The following SGIP1 variants were observed in gnomAD, a reference collection of about 807,000 sequenced individuals.
SGIP1 encodes the protein SH3GL interacting endocytic adaptor 1, also known as SH3-containing GRB2-like protein 3-interacting protein 1.
Under a neutral mutation model 107.5 loss-of-function variants are expected in SGIP1, and 38 were observed. The observed-to-expected ratio is 0.35, with a 90% confidence interval of 0.27 to 0.46. The LOEUF (loss-of-function observed/expected upper bound fraction) is 0.46, where lower values mean the gene tolerates loss of function less well. Among genes scored for constraint, SGIP1 ranks in the 20% least tolerant of loss-of-function variants. The pLI is 1.00. For synonymous variants in SGIP1, 365 were observed against 366.1 expected, an observed-to-expected ratio of 1.00 and a Z score of 0.03; for missense variants, 929 against 1,019.5, an observed-to-expected ratio of 0.91 and a Z score of 1.21.
chr1:66,568,999 T>C (rs908195935), intron 1 of SGIP1, among the ~76,000 whole-genome samples: 1 of 151,906 alleles, frequency 6.6e-6, no homozygotes, highest in Admixed American at 6.6e-5. Context: ...TAAAAAGACC[T>C]CAGCAATATG....
At chr1:66,588,834 G>T (rs982569729) in intron 1 of SGIP1, among the ~76,000 whole-genome samples, 1 of 151,180 alleles carries the variant, frequency 6.6e-6, no homozygotes, top group Non-Finnish European at 1.5e-5. Context: ...TATCTTCTTG[G>T]AAGGAACCAA....
intron 1 of SGIP1, among the ~76,000 whole-genome samples, chr1:66,612,785 A>G (rs1315930585): frequency 6.6e-6 from 1 of 152,238 alleles, no homozygotes; most frequent in African/African-American, 2.4e-5. Context: ...TGAGGATTTG[A>G]GTTCAGGAAT....
intron 19 of SGIP1, among the ~76,000 whole-genome samples, chr1:66,725,513 G>C (rs775706229): frequency 3.5e-4 from 53 of 152,270 alleles, no homozygotes; most frequent in Admixed American, 7.2e-4. Flanking sequence ...AGACATTGGA[G>C]GAAATCATAA....
At chr1:66,538,433 G>T (rs981410970) in intron 1 of SGIP1, among the ~76,000 whole-genome samples, 1 of 151,948 alleles carries the variant, frequency 6.6e-6, no homozygotes, top group African/African-American at 2.4e-5. Context: ...AACCTCTTTA[G>T]ATATATATGT....
At chr1:66,589,208 A>ATGTGTGTGTGTG (rs1453675527) in intron 1 of SGIP1, among the ~76,000 whole-genome samples, 10 of 87,580 alleles carry the variant, frequency 1.1e-4, no homozygotes, top group East Asian at 3.0e-4. Context: ...ATATATATAT[A>ATGTGTGTGTGTG]TATATATATG....
chr1:66,699,388 TGCTGGCA>T (rs2091527514), intron 18 of SGIP1, among the ~76,000 whole-genome samples: 2 of 152,164 alleles, frequency 1.3e-5, no homozygotes, highest in Non-Finnish European at 2.9e-5. Context: ...ATCTTAGAGG[TGCTGGCA>T]GCTTGCGTGT....
intron 1 of SGIP1, among the ~76,000 whole-genome samples, chr1:66,621,172 G>A (rs2149268738): frequency 6.6e-6 from 1 of 152,286 alleles, no homozygotes; most frequent in South Asian, 2.1e-4. Flanking sequence ...GAGAAAAGCT[G>A]GATGTCTGCT....
chr1:66,555,825 T>A (rs897098350), intron 1 of SGIP1, among the ~76,000 whole-genome samples: 7 of 152,138 alleles, frequency 4.6e-5, no homozygotes, highest in African/African-American at 1.4e-4. Flanking sequence ...GCATTATCCA[T>A]ACTGTTCCCA....
rs111409004 is a variant in SGIP1 at position 66,749,257 on chromosome 1, A to G, written c.*6162A>G. On this transcript the variant is annotated 3_prime_UTR_variant, in exon 25 of 25. Transcript: ENST00000371037. The stretch of plus-strand genomic sequence containing the variant: ...CCGTGTGGAATTAATGCCAGTGAAT[A>G]ATCTCCAGTAACGTTTTACTAAACA... 0.018 allele frequency among the ~76,000 whole-genome samples: 2,701 copies of G among 152,194 alleles called. 91 individuals carry two copies. The highest frequency in any genetic ancestry group is 0.062 in the African/African-American group (2,585 of 41,568).
chr1:66,563,359 A>T (rs565979058), intron 1 of SGIP1, among the ~76,000 whole-genome samples: 117 of 152,140 alleles, frequency 7.7e-4, no homozygotes, highest in Non-Finnish European at 1.3e-3. Flanking sequence ...TGTTGCAGCA[A>T]GAAGAAACTT....
chr1:66,694,783 A>T, intron 17 of SGIP1: 1 of 348,730 alleles, frequency 2.9e-6, no homozygotes, highest in East Asian at 4.5e-5. Flanking sequence ...AGGAAAGAAT[A>T]ATTTAACTGC....
intron 1 of SGIP1, among the ~76,000 whole-genome samples, chr1:66,552,988 C>T (rs2057651738): frequency 6.6e-6 from 1 of 152,156 alleles, no homozygotes; most frequent in Non-Finnish European, 1.5e-5. Flanking sequence ...CTGACTGCCA[C>T]TGGGACCTCA....
At chr1:66,633,165 CCTT>C in intron 3 of SGIP1, 71 bp downstream of exon 3, 1 of 1,073,926 alleles carries the variant, frequency 9.3e-7, no homozygotes, top group Non-Finnish European at 1.4e-6. Context: ...TTCTCAAAGC[CCTT>C]TTTTTTTCCT....
intron 1 of SGIP1, among the ~76,000 whole-genome samples, chr1:66,548,347 G>A (rs1271139631): frequency 6.6e-6 from 1 of 151,948 alleles, no homozygotes; most frequent in Non-Finnish European, 1.5e-5. Flanking sequence ...AGATTGGAAG[G>A]GATGGTGGTG....
intron 15 of SGIP1, among the ~76,000 whole-genome samples, chr1:66,682,764 G>T (rs1020746409): frequency 1.3e-5 from 2 of 151,514 alleles, no homozygotes; most frequent in Admixed American, 6.6e-5. Context: ...ACTAGGTTTT[G>T]TGGGCCAATG....
At chr1:66,660,406 G>C (rs2149709592) in intron 7 of SGIP1, 107 bp from the exon 8 acceptor site, 2 of 1,026,808 alleles carry the variant, frequency 1.9e-6, no homozygotes. Context: ...GCCTTCGAGA[G>C]CTCCCTTAAG....
intron 1 of SGIP1, among the ~76,000 whole-genome samples, chr1:66,602,368 G>T (rs12729740): frequency 0.14 from 20,600 of 152,070 alleles, 2,063 homozygotes; most frequent in East Asian, 0.46. Flanking sequence ...CTCAATCCAA[G>T]AATTATGATG....
intron 1 of SGIP1, among the ~76,000 whole-genome samples, chr1:66,576,419 C>A (rs2061074816): frequency 6.6e-6 from 1 of 152,164 alleles, no homozygotes; most frequent in African/African-American, 2.4e-5. Context: ...CGCATAAAAG[C>A]TTTATGAAAC....
At chr1:66,719,515 A>G in intron 19 of SGIP1, 110 bp downstream of exon 19, 1 of 624,112 alleles carries the variant, frequency 1.6e-6, no homozygotes, top group Non-Finnish European at 2.6e-6. Flanking sequence ...AAAATAATTC[A>G]GTTAGCAATA....
Sources: gnomAD v4.1 joint callset for allele counts (sites outside exome capture counted in the v4.1 genomes callset) on GRCh38, gnomAD v4.1.1 for gene constraint, MANE v1.5 for transcripts, NCBI Gene and HGNC (gene_info 2026-07-23, HGNC 2026-07-21) for gene names.